The following ARHGAP20 variants were observed in gnomAD, a reference collection of about 807,000 sequenced individuals.
The protein encoded by ARHGAP20 is rho GTPase-activating protein 20.
A neutral mutation model predicts 73.7 loss-of-function variants in ARHGAP20; 34 were observed. That is an observed-to-expected ratio of 0.46 (90% confidence interval 0.35 to 0.61). The LOEUF is 0.61. Ranked by LOEUF, ARHGAP20 falls within the 20% of genes least tolerant of loss-of-function variation. The pLI is 0.00. For synonymous variants in ARHGAP20, 523 were observed against 518.2 expected (o/e 1.01, Z -0.13); for missense variants, 1,314 against 1,420.9 (o/e 0.92, Z 1.21).
intron 9 of ARHGAP20, among the ~76,000 whole-genome samples, chr11:110,602,394 G>A (rs568097271): frequency 1.6e-4 from 25 of 152,208 alleles, no homozygotes; most frequent in South Asian, 8.3e-4. Context: ...TATAATATGC[G>A]TCAATGGTTA....
chr11:110,648,424 C>T (rs1235194820), intron 2 of ARHGAP20, among the ~76,000 whole-genome samples: 1 of 149,826 alleles, frequency 6.7e-6, no homozygotes, highest in Non-Finnish European at 1.5e-5. Flanking sequence ...TTGTTAGAGA[C>T]ACCAGTAATT....
rs11213506 is a variant in ARHGAP20, at chr11:110,633,739, T to C, written c.189-2947A>G. 1.8e-3 allele frequency among the ~76,000 whole-genome samples: 274 copies of C among 152,248 alleles called. 3 individuals carry two copies. In the East Asian group the frequency reaches 0.045, roughly 25 times the overall value. Reference sequence around the variant, plus strand: ...CTGCACATTTTAGAGATTAACAAAGTTGAAGAACAAAGGAGGGAAAGCCTA... The same window carrying C: ...CTGCACATTTTAGAGATTAACAAAGCTGAAGAACAAAGGAGGGAAAGCCTA... On this transcript the variant is annotated intron_variant, in intron 2 of 14. Coordinates refer to ENST00000683387, the MANE Select transcript of ARHGAP20 (RefSeq NM_001384657.1).
chr11:110,671,539 T>C (rs111632898), intron 2 of ARHGAP20, among the ~76,000 whole-genome samples: 43 of 151,938 alleles, frequency 2.8e-4, no homozygotes, highest in African/African-American at 9.6e-4. Context: ...CAAATTAGAG[T>C]GGAAGAAGTA....
At chr11:110,683,089 T>A (rs990329208) in intron 2 of ARHGAP20, among the ~76,000 whole-genome samples, 10 of 152,114 alleles carry the variant, frequency 6.6e-5, no homozygotes, top group Admixed American at 1.3e-4. Flanking sequence ...GAATATCAAC[T>A]TAAAAGTGGT....
At position 110,592,987 on chromosome 11, in the gene ARHGAP20, G is replaced by A. The variant is rs375719005; in HGVS notation, c.965-832C>T. On this transcript the variant is annotated intron_variant, in intron 9 of 14. Transcript: ENST00000683387. The stretch of plus-strand genomic sequence containing the variant: ...ATGTTAATAAATATAATGTCATGAG[G>A]TAGGAACAAAGTACTAAAAGCATTC... 2.4e-4 allele frequency among the ~76,000 whole-genome samples: 36 copies of A among 152,196 alleles called. No individual in the cohort carries two copies. The South Asian group carries it at 5.8e-3, about 25-fold the overall frequency.
chr11:110,673,452 T>C (rs962198189), intron 2 of ARHGAP20, among the ~76,000 whole-genome samples: 1 of 152,154 alleles, frequency 6.6e-6, no homozygotes, highest in Admixed American at 6.5e-5. Flanking sequence ...CCATATTCTC[T>C]GATACAAGCC....
intron 7 of ARHGAP20, 65 bp from the exon 8 acceptor site, chr11:110,609,115 A>T (rs1299225419): frequency 4.6e-6 from 6 of 1,303,348 alleles, no homozygotes; most frequent in Admixed American, 3.8e-5. Flanking sequence ...ATGAGGACAC[A>T]TTTTTTTTTT....
intron 11 of ARHGAP20, among the ~76,000 whole-genome samples, chr11:110,586,797 G>A (rs1947680175): frequency 6.6e-6 from 1 of 152,170 alleles, no homozygotes; most frequent in Non-Finnish European, 1.5e-5. Flanking sequence ...GGATAGAGAA[G>A]TGACTAAAAC....
chr11:110,613,556 G>A (rs547402252), intron 6 of ARHGAP20, among the ~76,000 whole-genome samples: 9 of 152,120 alleles, frequency 5.9e-5, no homozygotes, highest in African/African-American at 9.6e-5. Flanking sequence ...TCCATATACC[G>A]AAAAGAAAGT....
At chr11:110,651,950 G>A (rs745382082) in intron 2 of ARHGAP20, among the ~76,000 whole-genome samples, 1 of 152,022 alleles carries the variant, frequency 6.6e-6, no homozygotes, top group African/African-American at 2.4e-5. Flanking sequence ...GAAAACTTCA[G>A]GTCAATATAC....
intron 9 of ARHGAP20, among the ~76,000 whole-genome samples, chr11:110,605,324 G>A (rs1337191480): frequency 3.3e-5 from 5 of 152,120 alleles, no homozygotes; most frequent in Non-Finnish European, 7.4e-5. Flanking sequence ...AACTCTTTTT[G>A]TCCAATAAAA....
intron 2 of ARHGAP20, among the ~76,000 whole-genome samples, chr11:110,665,826 A>G (rs1488234022): frequency 2.6e-5 from 4 of 152,214 alleles, no homozygotes; most frequent in African/African-American, 7.2e-5. Context: ...GGCTGGGAAG[A>G]ATTCATGTAC....
chr11:110,671,048 T>C (rs182624983), intron 2 of ARHGAP20, among the ~76,000 whole-genome samples: 3 of 152,138 alleles, frequency 2.0e-5, no homozygotes, highest in Non-Finnish European at 4.4e-5. Flanking sequence ...GTAATATTGG[T>C]TTATTAGTTA....
intron 8 of ARHGAP20, 34 bp downstream of exon 8, chr11:110,608,950 A>G (rs752350277): frequency 1.9e-6 from 3 of 1,567,984 alleles, no homozygotes; most frequent in African/African-American, 2.7e-5. Context: ...TTAAAACACA[A>G]TCAATGCTAT....
At chr11:110,673,471 A>AG (rs1293363811) in intron 2 of ARHGAP20, among the ~76,000 whole-genome samples, 1 of 152,218 alleles carries the variant, frequency 6.6e-6, no homozygotes, top group Non-Finnish European at 1.5e-5. Context: ...CCATAAACTT[A>AG]GGTATCTACA....
At chr11:110,615,019 A>T (rs78166957) in intron 5 of ARHGAP20, among the ~76,000 whole-genome samples, 4,714 of 152,302 alleles carry the variant, frequency 0.031, 257 homozygotes, top group African/African-American at 0.11. Context: ...ATGACCTTGT[A>T]CTTCTCATTT....
At chr11:110,591,851 A>G in intron 10 of ARHGAP20, 126 bp downstream of exon 10, 2 of 965,498 alleles carry the variant, frequency 2.1e-6, no homozygotes, top group Non-Finnish European at 3.0e-6. Context: ...GAGGAATAAT[A>G]GTGAAGATTC....
intron 2 of ARHGAP20, among the ~76,000 whole-genome samples, chr11:110,678,468 T>C (rs1204733465): frequency 6.6e-6 from 1 of 152,220 alleles, no homozygotes; most frequent in Non-Finnish European, 1.5e-5. Flanking sequence ...CCTTTTCATT[T>C]ATAAACTGGA....
chr11:110,653,063 A>G (rs1411349132), intron 2 of ARHGAP20, among the ~76,000 whole-genome samples: 4 of 152,176 alleles, frequency 2.6e-5, no homozygotes, highest in African/African-American at 9.7e-5. Context: ...CTTATACAAA[A>G]ATTAACTCAA....
Sources: gnomAD v4.1 joint callset for allele counts (sites outside exome capture counted in the v4.1 genomes callset) on GRCh38, gnomAD v4.1.1 for gene constraint, MANE v1.5 for transcripts, NCBI Gene and HGNC (gene_info 2026-07-23, HGNC 2026-07-21) for gene names.